TDRD12: variants seen among roughly 807,000 people sequenced by gnomAD.
TDRD12 encodes putative ATP-dependent RNA helicase TDRD12.
Under a neutral mutation model 133.5 loss-of-function variants are expected in TDRD12, and 158 were observed. That is an observed-to-expected ratio of 1.18 (90% CI 1.04 to 1.35). The LOEUF is 1.35. Ranked by LOEUF, TDRD12 falls within the 40% of genes most tolerant of loss-of-function variation. The pLI is 0.00. For synonymous variants in TDRD12, 460 were observed against 477.9 expected, an observed-to-expected ratio of 0.96 and a Z score of 0.49; for missense variants, 1,443 against 1,321.3, an observed-to-expected ratio of 1.09 and a Z score of -1.43.
chr19:32,737,904 G>A (rs1236922607), intron 2 of TDRD12, among the ~76,000 whole-genome samples: 3 of 152,080 alleles, frequency 2.0e-5, no homozygotes, highest in Non-Finnish European at 4.4e-5. Context: ...AGGCCGAGGC[G>A]GGTGGATCAC....
exon 23 of TDRD12, chr19:32,810,243 T>C (rs752462992): frequency 1.3e-6 from 2 of 1,526,004 alleles, no homozygotes; most frequent in Non-Finnish European, 1.7e-6. Context: ...GAAGTTTGGA[T>C]TGTATGGATT....
At chr19:32,751,120 G>A (rs1321219317) in intron 6 of TDRD12, among the ~76,000 whole-genome samples, 7 of 23,830 alleles carry the variant, frequency 2.9e-4, no homozygotes, top group East Asian at 3.7e-3. Flanking sequence ...CCCACCCCCC[G>A]ACAGGCCCCA....
chr19:32,776,283 C>G (rs558146505), intron 10 of TDRD12, among the ~76,000 whole-genome samples: 1 of 152,272 alleles, frequency 6.6e-6, no homozygotes, highest in South Asian at 2.1e-4. Context: ...GGAGATTTTC[C>G]TCACGCAGTC....
chr19:32,794,716 T>C (rs1484066975), exon 14 of TDRD12: 1 of 703,306 alleles, frequency 1.4e-6, no homozygotes, highest in Admixed American at 2.0e-5. Context: ...GTGGTTGTCA[T>C]TTCTCACTGT....
intron 2 of TDRD12, among the ~76,000 whole-genome samples, chr19:32,735,291 A>C (rs1375132565): frequency 1.3e-5 from 2 of 152,200 alleles, no homozygotes; most frequent in African/African-American, 4.8e-5. Flanking sequence ...AAAATGAAAA[A>C]AGAAGCAGCC....
chr19:32,741,433 T>C (rs1969423176), intron 3 of TDRD12, among the ~76,000 whole-genome samples: 1 of 152,210 alleles, frequency 6.6e-6, no homozygotes, highest in African/African-American at 2.4e-5. Flanking sequence ...TTATCAGACA[T>C]TGGGAATTTG....
At chr19:32,730,770 C>T (rs1197510138) in intron 1 of TDRD12, among the ~76,000 whole-genome samples, 3 of 152,152 alleles carry the variant, frequency 2.0e-5, no homozygotes, top group African/African-American at 7.2e-5. Context: ...AATCCCAGCA[C>T]TTTGGGAGGC....
intron 10 of TDRD12, among the ~76,000 whole-genome samples, chr19:32,776,109 T>C (rs1970576284): frequency 6.6e-6 from 1 of 152,188 alleles, no homozygotes; most frequent in Admixed American, 6.5e-5. Flanking sequence ...TGTTGGGTCA[T>C]GAACCACCTC....
At chr19:32,749,481 C>T (rs1304028532) in intron 5 of TDRD12, among the ~76,000 whole-genome samples, 3 of 152,084 alleles carry the variant, frequency 2.0e-5, no homozygotes, top group Non-Finnish European at 2.9e-5. Flanking sequence ...TGCTGCACTC[C>T]GTGGGGCTTT....
chr19:32,795,101 G>A (rs778642736), intron 14 of TDRD12, among the ~76,000 whole-genome samples: 1 of 152,080 alleles, frequency 6.6e-6, no homozygotes, highest in African/African-American at 2.4e-5. Context: ...TTGGGAGGCC[G>A]AGGCGAGTGG....
chr19:32,778,743 G>A (rs974803349), intron 11 of TDRD12, among the ~76,000 whole-genome samples: 18 of 152,086 alleles, frequency 1.2e-4, no homozygotes, highest in Admixed American at 3.9e-4. Flanking sequence ...CAGGTGATCC[G>A]CCCACCTTGG....
chr19:32,737,210 T>G (rs1969250605), intron 2 of TDRD12, among the ~76,000 whole-genome samples: 1 of 152,210 alleles, frequency 6.6e-6, no homozygotes, highest in South Asian at 2.1e-4. Context: ...ACAGGCAGTT[T>G]ATTGATTGAT....
At chr19:32,723,605 C>T (rs1478815844) in intron 1 of TDRD12, among the ~76,000 whole-genome samples, 1 of 149,104 alleles carries the variant, frequency 6.7e-6, no homozygotes, top group East Asian at 2.0e-4. Context: ...TATTCTTTTT[C>T]AGAATTGTTC....
At chr19:32,748,204 A>G (rs1969712103) in intron 4 of TDRD12, among the ~76,000 whole-genome samples, 1 of 152,038 alleles carries the variant, frequency 6.6e-6, no homozygotes, top group South Asian at 2.1e-4. Flanking sequence ...TGGTGGTGTG[A>G]CAGACAGTGC....
intron 16 of TDRD12, 116 bp from the exon 17 acceptor site, chr19:32,800,051 A>G: frequency 1.4e-6 from 1 of 695,348 alleles, no homozygotes; most frequent in South Asian, 2.1e-5. Flanking sequence ...TTTATTTTTG[A>G]AAGACTTTCT....
At chr19:32,780,084 C>CTT (rs11395360) in intron 11 of TDRD12, among the ~76,000 whole-genome samples, 3,426 of 127,732 alleles carry the variant, frequency 0.027, 173 homozygotes, top group African/African-American at 0.084. Flanking sequence ...TTTTTCTTTT[C>CTT]TTTTTTTTTT....
intron 25 of TDRD12, among the ~76,000 whole-genome samples, chr19:32,814,112 G>C (rs1474743177): frequency 1.3e-5 from 2 of 152,152 alleles, no homozygotes; most frequent in Non-Finnish European, 2.9e-5. Context: ...CATTCACCAC[G>C]CACTTAACTG....
exon 2 of TDRD12, chr19:32,731,837 C>T (rs750956233): frequency 1.4e-5 from 22 of 1,550,504 alleles, no homozygotes; most frequent in East Asian, 2.4e-5. Flanking sequence ...TACAACAGCA[C>T]GTGTCAAGAT....
intron 4 of TDRD12, among the ~76,000 whole-genome samples, chr19:32,745,790 CTGTGTG>C (rs10692093): frequency 2.1e-5 from 2 of 94,810 alleles, no homozygotes; most frequent in Non-Finnish European, 4.0e-5. Flanking sequence ...TGATGTCATT[CTGTGTG>C]TGTGTGTGTG....
Sources: allele counts gnomAD v4.1 joint callset (sites outside exome capture counted in the v4.1 genomes callset), GRCh38; gene constraint gnomAD v4.1.1; transcripts MANE v1.5; gene names NCBI Gene and HGNC (gene_info 2026-07-23, HGNC 2026-07-21).